The following ESYT3 variants were observed in gnomAD, a reference collection of about 807,000 sequenced individuals.
ESYT3 encodes extended synaptotagmin-3.
In ESYT3, 101 loss-of-function variants were observed where a neutral mutation model predicts 111.5. That is an observed-to-expected ratio of 0.91 (90% confidence interval 0.77 to 1.07). The LOEUF is 1.07. Among genes scored for constraint, ESYT3 ranks in the 50% least tolerant of loss-of-function variants. ESYT3 has a pLI of 0.00. For synonymous variants in ESYT3, 416 were observed against 446.8 expected, an observed-to-expected ratio of 0.93 and a Z score of 0.87; for missense variants, 1,097 against 1,109.4, an observed-to-expected ratio of 0.99 and a Z score of 0.16.
chr3:138,444,225 A>G (rs975988215), intron 1 of ESYT3, among the ~76,000 whole-genome samples: 1 of 152,208 alleles, frequency 6.6e-6, no homozygotes, highest in Non-Finnish European at 1.5e-5. Flanking sequence ...CGTCGGCTCA[A>G]GTACACTAAC....
At position 138,435,409 on chromosome 3, in the gene ESYT3, A is replaced by G. The variant is rs2030582801; in HGVS notation, c.327+284A>G. ...AGAGCTCGAGAGAAGAGTCACGGGC[A>G]GACCACACCCGGGAGAAAAACAAGG... On this transcript the variant is annotated intron_variant, in intron 1 of 22. Coordinates refer to ENST00000389567, the MANE Select transcript of ESYT3 (RefSeq NM_031913.5). This position sits in a 1 kb window ranked among gnomAD's most constrained non-coding sequence, Gnocchi z 4.8. 6.6e-6 allele frequency among the ~76,000 whole-genome samples: 1 copy of G among 152,212 alleles called. No homozygotes were observed. The highest frequency in any genetic ancestry group is 6.5e-5 in the Admixed American group (1 of 15,286).
chr3:138,437,916 G>A (rs1310558132), intron 1 of ESYT3, among the ~76,000 whole-genome samples: 1 of 152,142 alleles, frequency 6.6e-6, no homozygotes, highest in African/African-American at 2.4e-5. Flanking sequence ...TTGCCTGTAT[G>A]AACACCTGTG....
At chr3:138,454,081 C>T (rs1011710970) in intron 2 of ESYT3, among the ~76,000 whole-genome samples, 1 of 152,180 alleles carries the variant, frequency 6.6e-6, no homozygotes, top group Non-Finnish European at 1.5e-5. Context: ...AACAGGGGGA[C>T]CCTATCGCTA....
At chr3:138,444,681 G>A (rs553086688) in intron 1 of ESYT3, among the ~76,000 whole-genome samples, 1 of 152,330 alleles carries the variant, frequency 6.6e-6, no homozygotes, top group Non-Finnish European at 1.5e-5. Flanking sequence ...ATGAGATGGG[G>A]GTGGCTCACC....
At chr3:138,476,532 T>C (rs370585675) in intron 22 of ESYT3, 40 bp downstream of exon 22, 118 of 1,597,418 alleles carry the variant, frequency 7.4e-5, no homozygotes, top group Non-Finnish European at 9.9e-5. Context: ...TATCCTGCTA[T>C]TCAAGACAGT....
At chr3:138,466,777 A>G in intron 10 of ESYT3, among the ~76,000 whole-genome samples, 1 of 152,164 alleles carries the variant, frequency 6.6e-6, no homozygotes, top group East Asian at 1.9e-4. Context: ...TTTCTGGCTC[A>G]TGGTTCTGCA....
intron 3 of ESYT3, among the ~76,000 whole-genome samples, chr3:138,455,532 T>C (rs2032224239): frequency 6.6e-6 from 1 of 152,050 alleles, no homozygotes; most frequent in Non-Finnish European, 1.5e-5. Flanking sequence ...CCCTGTACCA[T>C]CATCTCCCCA....
chr3:138,460,737 G>A, intron 7 of ESYT3, 71 bp downstream of exon 7: 1 of 1,501,780 alleles, frequency 6.7e-7, no homozygotes, highest in Non-Finnish European at 9.3e-7. Flanking sequence ...GCCAGTGACA[G>A]GAGCTGTGCA....
At chr3:138,470,232 G>T (rs1278899641) in intron 16 of ESYT3, 86 bp downstream of exon 16, 2 of 1,506,064 alleles carry the variant, frequency 1.3e-6, no homozygotes, top group South Asian at 1.2e-5. Flanking sequence ...CCTTGAGCAG[G>T]TTCTCCTGGC....
At position 138,457,603 on chromosome 3, in the gene ESYT3, T is replaced by TA; in HGVS notation, c.541dup (p.Thr181AsnfsTer20). The TA allele has an allele frequency of 1.2e-6, 2 of 1,614,138 alleles. No individual in the cohort carries two copies. The highest frequency in any genetic ancestry group is 1.7e-6 in the Non-Finnish European group (2 of 1,180,022). On this transcript the variant is annotated frameshift_variant, in exon 4 of 23. Coordinates refer to ENST00000389567, the MANE Select transcript of ESYT3 (RefSeq NM_031913.5). LOFTEE classifies it high-confidence loss of function. ...TCAACGGTGTCAAGGCACACACTAA[T>TA]ACGTGCAACCGAAGACGTGTGACTG...
In ESYT3 at chr3:138,472,230, T is replaced by C. The variant is rs549524562; in HGVS notation, c.1741-133T>C. ...CAGAATATTTGGAACACCATATGTA[T>C]TACTGGAAATGGAAGTTCCCTAGGA... On this transcript the variant is annotated intron_variant, in intron 17 of 22. Transcript: ENST00000389567. The C allele has an allele frequency of 4.3e-5, 49 of 1,128,240 alleles. No individual in the cohort carries two copies. The East Asian group carries it at 5.2e-4, about 12-fold the overall frequency. 69.9% of individuals were successfully genotyped at this position (1,128,240 alleles called of 1,614,324 possible). A position where few individuals can be genotyped will look rare whatever the true frequency, so the allele number is the denominator to read the frequency against.
At position 138,456,546 on chromosome 3, in the gene ESYT3, C is replaced by T. The variant is rs569003454; in HGVS notation, c.505-1022C>T. On this transcript the variant is annotated intron_variant, in intron 3 of 22. Coordinates refer to ENST00000389567, the MANE Select transcript of ESYT3 (RefSeq NM_031913.5). ...CTCTATGCCAGAGGTCCCCAACTCT[C>T]GGTACCAGGCTACACACCAGGAGGT... Among the ~76,000 whole-genome samples the T allele has an allele frequency of 7.9e-5, 12 of 152,318 alleles. No homozygotes were observed. In the South Asian group the frequency reaches 8.3e-4, roughly 11 times the overall value.
chr3:138,474,235 G>A lies in ESYT3; in HGVS notation c.2351G>A (p.Cys784Tyr), dbSNP rs756062839. Reference sequence around the variant, plus strand: ...CACCAAATCAGAAACCTAACACCATGTACCAGCAGTGGAGCTGATCCCTAC... The same window carrying A: ...CACCAAATCAGAAACCTAACACCATATACCAGCAGTGGAGCTGATCCCTAC... ...LINGCRNLTP[C>Y]TSSGADPYVR... Residue 784 changes from cysteine (C) to tyrosine (Y), a missense_variant, in exon 20 of 23, where the codon TGT becomes TAT. Cys to Tyr is a radical substitution (Grantham distance 194, BLOSUM62 -2). Coordinates refer to ENST00000389567, the MANE Select transcript of ESYT3 (RefSeq NM_031913.5). 40 of 1,601,192 alleles carry A rather than the reference G, an allele frequency of 2.5e-5. No individual in the cohort carries two copies. The highest frequency in any genetic ancestry group is 3.3e-5 in the South Asian group (3 of 90,796).
At chr3:138,438,996 G>GA (rs377290759) in intron 1 of ESYT3, among the ~76,000 whole-genome samples, 14 of 152,344 alleles carry the variant, frequency 9.2e-5, no homozygotes, top group African/African-American at 3.4e-4. Context: ...ACTTTTGAAG[G>GA]AATTAAGAGC....
intron 11 of ESYT3, 62 bp from the exon 12 acceptor site, chr3:138,468,043 C>T: frequency 2.7e-6 from 4 of 1,508,112 alleles, no homozygotes; most frequent in East Asian, 2.3e-5. Flanking sequence ...CTGGGCTGCC[C>T]AGAGAGCATC....
chr3:138,480,654 G>C (rs761393795), downstream of ESYT3: 2 of 152,148 alleles, frequency 1.3e-5, no homozygotes, highest in African/African-American at 4.8e-5. Flanking sequence ...TTAAATAAAT[G>C]TTAAACCTAA....
chr3:138,469,308 C>A, intron 14 of ESYT3, 128 bp from the exon 15 acceptor site: 1 of 790,386 alleles, frequency 1.3e-6, no homozygotes, highest in African/African-American at 1.7e-5. Context: ...ATTAGAGTAG[C>A]TTTCTCTCAA....
In ESYT3 at chr3:138,468,090, GC is replaced by G. The variant is rs777668736; in HGVS notation, c.1219-11del. The G allele has an allele frequency of 2.6e-5, 42 of 1,613,734 alleles. No individual in the cohort carries two copies. The African/African-American group carries it at 5.2e-4, about 20-fold the overall frequency. On this transcript the variant is annotated splice_polypyrimidine_tract_variant and intron_variant, in intron 11 of 22. Coordinates refer to ENST00000389567, the MANE Select transcript of ESYT3 (RefSeq NM_031913.5). ...CCTGGCCCTTTTCCCTGAGCTTTCT[GC>G]CCCTACCCCACAGTGGTTTGTCCTG...
intron 1 of ESYT3, among the ~76,000 whole-genome samples, chr3:138,447,317 A>G (rs1399383409): frequency 6.6e-6 from 1 of 152,226 alleles, no homozygotes; most frequent in South Asian, 2.1e-4. Flanking sequence ...TGACAATCCT[A>G]CAGACTGTTC....
Sources: gnomAD v4.1 joint callset for allele counts (sites outside exome capture counted in the v4.1 genomes callset) on GRCh38, gnomAD v4.1.1 for gene constraint, Gnocchi (gnomAD v3.1) non-coding constraint, MANE v1.5 for transcripts, NCBI Gene and HGNC (gene_info 2026-07-23, HGNC 2026-07-21) for gene names.